The following CEP164 variants were observed in gnomAD, a reference collection of about 807,000 sequenced individuals.
The protein encoded by CEP164 is centrosomal protein of 164 kDa.
Under a neutral mutation model 182.7 loss-of-function variants are expected in CEP164, and 162 were observed. That is an observed-to-expected ratio of 0.89 (90% CI 0.78 to 1.01). CEP164 has a LOEUF of 1.01. Among genes scored for constraint, CEP164 ranks in the 50% least tolerant of loss-of-function variants. The pLI is 0.00. For synonymous variants in CEP164, 661 were observed against 690.0 expected, an observed-to-expected ratio of 0.96 and a Z score of 0.66; for missense variants, 1,735 against 1,790.4, an observed-to-expected ratio of 0.97 and a Z score of 0.56.
At chr11:117,364,073 T>A (rs1185828677) in intron 8 of CEP164, 1 of 152,164 alleles carries the variant, frequency 6.6e-6, no homozygotes, top group Non-Finnish European at 1.5e-5. Flanking sequence ...GCTATGTGTT[T>A]TTGTACTTAG....
chr11:117,397,358 C>CG, intron 27 of CEP164, 45 bp downstream of exon 27: 2 of 1,559,734 alleles, frequency 1.3e-6, no homozygotes, highest in Non-Finnish European at 8.7e-7. Context: ...GTGGGGGAGG[C>CG]GGGGGGAGTC....
Position 117,409,637 on chromosome 11 carries a change from C to T in CEP164, c.3768C>T (p.Leu1256=), listed in dbSNP as rs779372158. 6.2e-7 allele frequency: 1 copy of T among 1,608,936 alleles called. No homozygotes were observed. The highest frequency in any genetic ancestry group is 1.3e-5 in the African/African-American group (1 of 74,936). Residue 1256 remains leucine (L), a synonymous_variant, in exon 30 of 33, where the codon CTC becomes CTT. Transcript: ENST00000278935. This position sits in a 1 kb window ranked among gnomAD's most constrained non-coding sequence, Gnocchi z 4.4. ...TTTCAGTCGACTCAACCCCGAGTCT[C>T]ACCTCCCGCAAGATCCACGGGCTTA... ...RQQRIDSTPS[L]TSRKIHGLSH...
Position 117,410,816 on chromosome 11 carries a change from A to G in CEP164, c.4097-12A>G, listed in dbSNP as rs748703171. 2 of 1,611,134 alleles carry G rather than the reference A, an allele frequency of 1.2e-6. No individual in the cohort carries two copies. Among genetic ancestry groups the G allele is most frequent in the Non-Finnish European group, 1.7e-6 (2 of 1,178,280 alleles). ...CTGCCCATTTCTGAGTCCTGTCCCC[A>G]TGCTCTTCCAGCTGGCATCCCGCTG... is the stretch of plus-strand genomic sequence containing the variant. On this transcript the variant is annotated splice_polypyrimidine_tract_variant and intron_variant, in intron 30 of 32. Coordinates refer to ENST00000278935, the MANE Select transcript of CEP164 (RefSeq NM_014956.5).
chr11:117,328,547 C>CCACTCCATAGATG (rs2035679430), intron 1 of CEP164, among the ~76,000 whole-genome samples: 1 of 152,196 alleles, frequency 6.6e-6, no homozygotes, highest in Non-Finnish European at 1.5e-5. Flanking sequence ...CCCTTCTACT[C>CCACTCCATAGATG]GGCGCACTCC....
chr11:117,369,030 G>C lies in CEP164; in HGVS notation c.766-2050G>C, dbSNP rs184603023. On this transcript the variant is annotated intron_variant, in intron 8 of 32. Transcript: ENST00000278935. ...GGCCTCTTTGCTTTGGGCAGTCAAG[G>C]CTCATAACCAAAGCCATTGGGAACA... Among the ~76,000 whole-genome samples, 7 of 152,288 alleles carry C rather than the reference G, an allele frequency of 4.6e-5. No homozygotes were observed. In the East Asian group the frequency reaches 1.2e-3, roughly 25 times the overall value.
Position 117,395,132 on chromosome 11 carries a change from G to T in CEP164, c.2854G>T (p.Ala952Ser), listed in dbSNP as rs773981726. The T allele has an allele frequency of 1.2e-6, 2 of 1,614,190 alleles. No homozygotes were observed. The highest frequency in any genetic ancestry group is 1.3e-5 in the African/African-American group (1 of 75,052). The change falls in exon 23 of 33, where the codon GCC (alanine) becomes TCC (serine). Residue 952 changes from alanine to serine, a missense_variant. Ala to Ser is a moderately conservative substitution (Grantham distance 99, BLOSUM62 1). Coordinates refer to ENST00000278935, the MANE Select transcript of CEP164 (RefSeq NM_014956.5). ...GTCTCTTCCCTGCAAGGAGGAGACC[G>T]CCCGGAGGGAGAAGCAGCAGCTGCT... ...LALLEVQEETARREKQQLLDV... is the reference protein window; with the variant it reads ...LALLEVQEETSRREKQQLLDV...
rs1320667717 is a variant in CEP164 at position 117,363,518 on chromosome 11, A to G, written c.765+12A>G. ...ACTTTGAGTATGAGGTAAGAGCCCT[A>G]ATCCCTACAGGCACATGTGTCAGCC... On this transcript the variant is annotated intron_variant, in intron 8 of 32. Coordinates refer to ENST00000278935, the MANE Select transcript of CEP164 (RefSeq NM_014956.5). 5.6e-6 allele frequency: 9 copies of G among 1,596,898 alleles called. No homozygotes were observed. The highest frequency in any genetic ancestry group is 7.7e-6 in the Non-Finnish European group (9 of 1,164,550).
chr11:117,408,571 T>C, intron 28 of CEP164: 1 of 369,116 alleles, frequency 2.7e-6, no homozygotes, highest in Non-Finnish European at 5.1e-6. Flanking sequence ...CACCCTGCTG[T>C]GAGGCAGCCT....
At chr11:117,393,152 C>T (rs2044911995) in intron 20 of CEP164, 26 bp downstream of exon 20, 2 of 1,603,978 alleles carry the variant, frequency 1.2e-6, no homozygotes, top group Non-Finnish European at 8.5e-7. Context: ...CCCCTGCGCG[C>T]ATGCACACAC....
intron 4 of CEP164, among the ~76,000 whole-genome samples, chr11:117,346,894 G>A (rs557342792): frequency 2.3e-4 from 35 of 151,930 alleles, no homozygotes; most frequent in African/African-American, 8.0e-4. Context: ...TAAAATGTAG[G>A]TATATATATA....
intron 5 of CEP164, among the ~76,000 whole-genome samples, chr11:117,358,964 A>G (rs1327055120): frequency 7.4e-6 from 1 of 134,678 alleles, no homozygotes; most frequent in Admixed American, 7.7e-5. Flanking sequence ...TTTTTTTTTG[A>G]GACAGGGTCT....
Position 117,373,689 on chromosome 11 carries a change from G to A in CEP164, c.1153-62G>A, listed in dbSNP as rs879018220. The stretch of plus-strand genomic sequence containing the variant: ...CCATGGCCTGAACAGAATTCCCTGG[G>A]TAGGGACCATGACTCTTTGTGCTCT... On this transcript the variant is annotated intron_variant, in intron 9 of 32. Coordinates refer to ENST00000278935, the MANE Select transcript of CEP164 (RefSeq NM_014956.5). 14 of 1,442,012 alleles carry A rather than the reference G, an allele frequency of 9.7e-6. No individual in the cohort carries two copies. In the South Asian group the frequency reaches 1.6e-4, roughly 17 times the overall value. The allele number at this position is 1,442,012 out of a possible 1,614,324, so 89.3% of individuals were successfully genotyped here. A position where few individuals can be genotyped will look rare whatever the true frequency, so the allele number is the denominator to read the frequency against.
intron 19 of CEP164, among the ~76,000 whole-genome samples, 166 bp from the exon 20 acceptor site, chr11:117,392,837 TG>T (rs903109749): frequency 1.3e-5 from 2 of 152,080 alleles, no homozygotes; most frequent in Non-Finnish European, 2.9e-5. Flanking sequence ...GAGGGGGTGT[TG>T]GGGTATGGCT....
At chr11:117,407,737 TGTAACATA>T (rs1018490487) in intron 27 of CEP164, among the ~76,000 whole-genome samples, 180 bp from the exon 28 acceptor site, 4 of 152,192 alleles carry the variant, frequency 2.6e-5, no homozygotes, top group South Asian at 2.1e-4. Context: ...GTGTTAAGCA[TGTAACATA>T]GTAACATACT....
upstream of CEP164, chr11:117,327,691 T>C (rs2035543321): frequency 6.6e-6 from 1 of 152,194 alleles, no homozygotes. Context: ...ATTATCTATC[T>C]TAAACTACAC....
Position 117,344,153 on chromosome 11 carries a change from C to T in CEP164, c.83-13C>T. ...CATCTCTCTTACTTTCCCACCTCTG[C>T]CTCTCCTTGCAGAAATTCTTGAATT... On this transcript the variant is annotated splice_polypyrimidine_tract_variant and intron_variant, in intron 3 of 32. Transcript: ENST00000278935. 1 of 1,543,332 alleles carries T rather than the reference C, an allele frequency of 6.5e-7. No homozygotes were observed. Among genetic ancestry groups the T allele is most frequent in the Non-Finnish European group, 8.9e-7 (1 of 1,120,214 alleles).
intron 5 of CEP164, among the ~76,000 whole-genome samples, chr11:117,360,308 C>T (rs1463575049): frequency 6.6e-6 from 1 of 152,162 alleles, no homozygotes; most frequent in Non-Finnish European, 1.5e-5. Flanking sequence ...GCTAGGACCA[C>T]AGGCGTGTGT....
chr11:117,399,755 T>TA (rs972462245), intron 27 of CEP164, among the ~76,000 whole-genome samples: 1 of 152,114 alleles, frequency 6.6e-6, no homozygotes, highest in African/African-American at 2.4e-5. Context: ...GCTTTTTTTT[T>TA]ATGTGTTTGT....
At chr11:117,391,270 G>C in intron 17 of CEP164, 55 bp downstream of exon 17, 1 of 1,514,816 alleles carries the variant, frequency 6.6e-7, no homozygotes, top group Non-Finnish European at 9.0e-7. Context: ...GCTGCCTGGG[G>C]AGGGACTGAG....
Sources: allele counts gnomAD v4.1 joint callset (sites outside exome capture counted in the v4.1 genomes callset), GRCh38; gene constraint gnomAD v4.1.1; non-coding constraint Gnocchi (gnomAD v3.1); transcripts MANE v1.5; gene names NCBI Gene and HGNC (gene_info 2026-07-23, HGNC 2026-07-21).